The following CRPPA variants were observed in gnomAD, a reference collection of about 807,000 sequenced individuals.
The protein encoded by CRPPA is CDP-L-ribitol pyrophosphorylase A, also known as D-ribitol-5-phosphate cytidylyltransferase.
A neutral mutation model predicts 52.0 loss-of-function variants in CRPPA; 43 were observed. The ratio of observed to expected loss-of-function variants is 0.83; its 90% CI spans 0.65 to 1.07. CRPPA has a LOEUF of 1.07. Ranked by LOEUF, CRPPA falls within the 50% of genes least tolerant of loss-of-function variation. CRPPA has a pLI of 0.00. For missense variants in CRPPA, 629 were observed against 551.7 expected (o/e 1.14, Z -1.40); for synonymous variants, 250 against 203.5 (o/e 1.23, Z -1.94).
chr7:16,397,537 ATG>A (rs1165516340), intron 2 of CRPPA, among the ~76,000 whole-genome samples: 8 of 137,676 alleles, frequency 5.8e-5, no homozygotes, highest in Non-Finnish European at 1.2e-4. Context: ...TCAACACAAC[ATG>A]TGATTGACGA....
chr7:16,405,812 A>G (rs1223196662), intron 2 of CRPPA, among the ~76,000 whole-genome samples: 1 of 152,204 alleles, frequency 6.6e-6, no homozygotes, highest in Non-Finnish European at 1.5e-5. Context: ...TTATATCTAT[A>G]CTGTAATAAC....
intron 2 of CRPPA, among the ~76,000 whole-genome samples, chr7:16,398,397 C>G (rs1285488451): frequency 6.6e-6 from 1 of 152,164 alleles, no homozygotes; most frequent in Non-Finnish European, 1.5e-5. Context: ...GTGACTGACA[C>G]GTGACCAACA....
chr7:16,254,847 G>GAAAGAAAGAA (rs1562588903), intron 8 of CRPPA, among the ~76,000 whole-genome samples: 133 of 131,900 alleles, frequency 1.0e-3, no homozygotes, highest in African/African-American at 3.7e-3. Flanking sequence ...GAAAGAAAGA[G>GAAAGAAAGAA]AAAGAAGAAA....
At chr7:16,147,590 T>A (rs563581145) in intron 9 of CRPPA, among the ~76,000 whole-genome samples, 1 of 152,328 alleles carries the variant, frequency 6.6e-6, no homozygotes, top group Admixed American at 6.5e-5. Flanking sequence ...GTAAATGAAC[T>A]TCCTCCCTTT....
intron 6 of CRPPA, among the ~76,000 whole-genome samples, chr7:16,275,498 C>A (rs959828086): frequency 6.6e-6 from 1 of 152,060 alleles, no homozygotes; most frequent in African/African-American, 2.4e-5. Context: ...TTGACTCATC[C>A]CTTCCTCCTA....
At chr7:16,189,432 T>A (rs2128390006) in intron 9 of CRPPA, among the ~76,000 whole-genome samples, 1 of 152,272 alleles carries the variant, frequency 6.6e-6, no homozygotes, top group Non-Finnish European at 1.5e-5. Context: ...ATCTGGAAAG[T>A]GATGGCTGCA....
At chr7:16,141,301 T>C (rs1782865018) in intron 9 of CRPPA, among the ~76,000 whole-genome samples, 1 of 152,196 alleles carries the variant, frequency 6.6e-6, no homozygotes, top group South Asian at 2.1e-4. Flanking sequence ...TTTTGAAAAC[T>C]AGGTTTTAAT....
chr7:16,116,459 A>G lies in CRPPA; in HGVS notation c.1252-24660T>C, dbSNP rs1467266478. On this transcript the variant is annotated intron_variant, in intron 9 of 9. Coordinates refer to ENST00000407010, the MANE Select transcript of CRPPA (RefSeq NM_001101426.4). ...GCAGGTGGATCACCTGAGGTCAGGCATTCAAGACCAGCCTGGCCAACATGG... is the reference window on the plus strand; with the variant it reads ...GCAGGTGGATCACCTGAGGTCAGGCGTTCAAGACCAGCCTGGCCAACATGG... Among the ~76,000 whole-genome samples, 3 of 152,014 alleles carry G rather than the reference A, an allele frequency of 2.0e-5. No homozygotes were observed. In the South Asian group the frequency reaches 6.2e-4, roughly 32 times the overall value.
intron 3 of CRPPA, among the ~76,000 whole-genome samples, chr7:16,330,025 CT>C (rs1306498839): frequency 5.3e-5 from 8 of 152,208 alleles, no homozygotes; most frequent in Admixed American, 5.2e-4. Context: ...CGGTATATCG[CT>C]TCCTTCTAGC....
chr7:16,191,828 T>C (rs1350894809), intron 9 of CRPPA, among the ~76,000 whole-genome samples: 4 of 152,168 alleles, frequency 2.6e-5, no homozygotes, highest in South Asian at 2.1e-4. Flanking sequence ...ACTTTATTTT[T>C]CCCCCTAGAA....
At chr7:16,402,063 T>C (rs1443249949) in intron 2 of CRPPA, among the ~76,000 whole-genome samples, 1 of 151,204 alleles carries the variant, frequency 6.6e-6, no homozygotes, top group Non-Finnish European at 1.5e-5. Context: ...GTGTGCTACT[T>C]GATTAGAACT....
chr7:16,373,616 G>C (rs1259931681), intron 3 of CRPPA, among the ~76,000 whole-genome samples: 1 of 152,116 alleles, frequency 6.6e-6, no homozygotes, highest in Non-Finnish European at 1.5e-5. Context: ...ACACAGAACG[G>C]GTCAGCCTAA....
intron 8 of CRPPA, among the ~76,000 whole-genome samples, chr7:16,227,339 T>A (rs1449582345): frequency 6.6e-6 from 1 of 151,912 alleles, no homozygotes; most frequent in African/African-American, 2.4e-5. Flanking sequence ...CTGTGGTAAT[T>A]CACATTCCCA....
At chr7:16,397,216 C>A (rs756361217) in intron 2 of CRPPA, among the ~76,000 whole-genome samples, 2 of 152,196 alleles carry the variant, frequency 1.3e-5, no homozygotes, top group Admixed American at 1.3e-4. Flanking sequence ...ACGACTGACA[C>A]GTATGTGATA....
intron 9 of CRPPA, among the ~76,000 whole-genome samples, chr7:16,195,002 C>T (rs913710037): frequency 6.6e-5 from 10 of 151,842 alleles, no homozygotes; most frequent in African/African-American, 2.4e-4. Context: ...TGCAATACCA[C>T]CATTATTGCC....
At chr7:16,153,218 T>C (rs528519844) in intron 9 of CRPPA, among the ~76,000 whole-genome samples, 8 of 152,182 alleles carry the variant, frequency 5.3e-5, no homozygotes, top group African/African-American at 1.4e-4. Flanking sequence ...CTTTTCACAA[T>C]TTATATATAA....
chr7:16,316,975 G>T (rs966840787), intron 3 of CRPPA, among the ~76,000 whole-genome samples: 1 of 151,718 alleles, frequency 6.6e-6, no homozygotes, highest in Non-Finnish European at 1.5e-5. Flanking sequence ...ATAAACACAG[G>T]GTATTCGTTT....
Position 16,090,402 on chromosome 7 carries a change from C to A in CRPPA, c.*1293G>T, listed in dbSNP as rs1431610864. The A allele has an allele frequency of 6.6e-6, 1 of 151,760 alleles. No individual in the cohort carries two copies. The allele number at this position is 151,760 out of a possible 1,614,324, so 9.4% of individuals were successfully genotyped here. A position where few individuals can be genotyped will look rare whatever the true frequency, so the allele number is the denominator to read the frequency against. On this transcript the variant is annotated 3_prime_UTR_variant, in exon 10 of 10. Coordinates refer to ENST00000407010, the MANE Select transcript of CRPPA (RefSeq NM_001101426.4). ...GTGCAGCCTAAGCCCTAATCTGTTT[C>A]AATAAAATAAATGTATGTTGGCTGG...
At chr7:16,195,047 A>G (rs1401276174) in intron 9 of CRPPA, among the ~76,000 whole-genome samples, 7 of 152,000 alleles carry the variant, frequency 4.6e-5, no homozygotes, top group Non-Finnish European at 1.0e-4. Context: ...TAATTTTTTT[A>G]AAAGCATGAA....
Sources: allele counts gnomAD v4.1 joint callset (sites outside exome capture counted in the v4.1 genomes callset), GRCh38; gene constraint gnomAD v4.1.1; transcripts MANE v1.5; gene names NCBI Gene and HGNC (gene_info 2026-07-23, HGNC 2026-07-21).